PLXDC2: variants seen among roughly 807,000 people sequenced by gnomAD.
PLXDC2 encodes the protein plexin domain containing 2.
In PLXDC2, 40 loss-of-function variants were observed where a neutral mutation model predicts 68.9. The observed-to-expected ratio is 0.58, with a 90% confidence interval of 0.45 to 0.76. The LOEUF is 0.76. Ranked by LOEUF, PLXDC2 falls within the 30% of genes least tolerant of loss-of-function variation. PLXDC2 has a pLI of 0.00. For missense variants in PLXDC2, 644 were observed against 661.9 expected (o/e 0.97, Z 0.30); for synonymous variants, 243 against 234.2 (o/e 1.04, Z -0.34).
At chr10:19,831,341 G>A (rs1836688450) in intron 1 of PLXDC2, among the ~76,000 whole-genome samples, 1 of 151,930 alleles carries the variant, frequency 6.6e-6, no homozygotes, top group African/African-American at 2.4e-5. Context: ...TTGGCTAGCA[G>A]TTCCTGTCCT....
At chr10:20,201,698 A>C (rs191870816) in intron 9 of PLXDC2, among the ~76,000 whole-genome samples, 114 of 152,226 alleles carry the variant, frequency 7.5e-4, no homozygotes, top group Non-Finnish European at 1.3e-3. Context: ...TCTGATCACT[A>C]TACATTGTAT....
chr10:20,182,850 C>T (rs1001088839), intron 9 of PLXDC2, among the ~76,000 whole-genome samples: 7 of 151,806 alleles, frequency 4.6e-5, no homozygotes, highest in East Asian at 1.9e-4. Flanking sequence ...TCCCCTTGTC[C>T]CCTACTCCCT....
At chr10:19,886,428 T>G (rs1466925274) in intron 1 of PLXDC2, among the ~76,000 whole-genome samples, 2 of 152,182 alleles carry the variant, frequency 1.3e-5, no homozygotes, top group African/African-American at 4.8e-5. Flanking sequence ...TTATCCACCA[T>G]GATCAAGTGG....
At position 20,283,777 on chromosome 10, in the gene PLXDC2, A is replaced by G. The variant is rs923938877; in HGVS notation, c.*3958A>G. On this transcript the variant is annotated 3_prime_UTR_variant, in exon 14 of 14. Transcript: ENST00000377252. ...ATTTAGAAGGCACTATCTCAAACAT[A>G]AATAATTTCATATTTATTTTATCAC... 10 of 152,194 alleles carry G rather than the reference A, an allele frequency of 6.6e-5. No homozygotes were observed. The highest frequency in any genetic ancestry group is 2.4e-4 in the African/African-American group (10 of 41,448). 9.4% of individuals were successfully genotyped at this position (152,194 alleles called of 1,614,324 possible).
intron 3 of PLXDC2, among the ~76,000 whole-genome samples, chr10:20,055,388 GT>G (rs1835980095): frequency 6.6e-6 from 1 of 152,002 alleles, no homozygotes; most frequent in Non-Finnish European, 1.5e-5. Flanking sequence ...TAGTAAGTTG[GT>G]TTTTCATATT....
At chr10:20,232,952 G>GT (rs898615597) in intron 12 of PLXDC2, among the ~76,000 whole-genome samples, 30 of 151,664 alleles carry the variant, frequency 2.0e-4, no homozygotes, top group East Asian at 7.7e-4. Context: ...ACTAGGCATA[G>GT]TTTTTTTTTA....
At chr10:20,119,723 G>C (rs1833670969) in intron 4 of PLXDC2, among the ~76,000 whole-genome samples, 1 of 152,000 alleles carries the variant, frequency 6.6e-6, no homozygotes, top group African/African-American at 2.4e-5. Context: ...GGGCTGCTTC[G>C]AGCGGGATTA....
At chr10:19,819,979 A>G (rs1206567970) in intron 1 of PLXDC2, among the ~76,000 whole-genome samples, 1 of 152,244 alleles carries the variant, frequency 6.6e-6, no homozygotes. Context: ...TGATTATTTT[A>G]TCAATCAATG....
chr10:20,094,555 A>AT (rs11394925), intron 4 of PLXDC2, among the ~76,000 whole-genome samples: 90,748 of 151,318 alleles, frequency 0.6, 29,068 homozygotes, highest in East Asian at 0.98. Context: ...GTTTTTCATT[A>AT]TTTTTTTTTC....
At chr10:19,875,909 T>A (rs1198112910) in intron 1 of PLXDC2, among the ~76,000 whole-genome samples, 1 of 152,210 alleles carries the variant, frequency 6.6e-6, no homozygotes, top group African/African-American at 2.4e-5. Flanking sequence ...GACATGTTGA[T>A]TTTTTTGATG....
At chr10:20,006,847 G>A (rs146543878) in intron 2 of PLXDC2, among the ~76,000 whole-genome samples, 4 of 152,324 alleles carry the variant, frequency 2.6e-5, no homozygotes, top group African/African-American at 7.2e-5. Context: ...TGTATATCCT[G>A]TTGAATAAGC....
chr10:19,979,552 A>T (rs1589567399), intron 1 of PLXDC2, among the ~76,000 whole-genome samples: 1 of 152,076 alleles, frequency 6.6e-6, no homozygotes, highest in East Asian at 1.9e-4. Context: ...TTGTATTTTT[A>T]GCCAAGGTGG....
intron 1 of PLXDC2, among the ~76,000 whole-genome samples, chr10:19,950,306 C>T (rs1833971023): frequency 6.6e-6 from 1 of 152,156 alleles, no homozygotes; most frequent in South Asian, 2.1e-4. Context: ...TAAATGACTT[C>T]AGTAAAGTTT....
chr10:20,226,997 G>T (rs1332054144), intron 12 of PLXDC2, among the ~76,000 whole-genome samples: 3 of 152,070 alleles, frequency 2.0e-5, no homozygotes, highest in Non-Finnish European at 4.4e-5. Flanking sequence ...CCCCTTCTCG[G>T]TGTGTTCTAC....
At chr10:19,912,176 A>C (rs1443769339) in intron 1 of PLXDC2, among the ~76,000 whole-genome samples, 1 of 152,188 alleles carries the variant, frequency 6.6e-6, no homozygotes, top group African/African-American at 2.4e-5. Flanking sequence ...GAGCTATTAG[A>C]GCTGAGCTGC....
intron 1 of PLXDC2, among the ~76,000 whole-genome samples, chr10:19,874,384 A>G (rs1837596381): frequency 6.6e-6 from 1 of 152,200 alleles, no homozygotes; most frequent in African/African-American, 2.4e-5. Context: ...CTCACTTTCT[A>G]GAAATAGAGT....
At chr10:19,838,872 C>T (rs906174286) in intron 1 of PLXDC2, among the ~76,000 whole-genome samples, 6 of 152,150 alleles carry the variant, frequency 3.9e-5, no homozygotes, top group African/African-American at 1.2e-4. Context: ...GCTTCGGCTC[C>T]TTATAAGCAT....
At chr10:20,130,095 T>C (rs1382500256) in intron 4 of PLXDC2, among the ~76,000 whole-genome samples, 1 of 152,100 alleles carries the variant, frequency 6.6e-6, no homozygotes. Context: ...GTAGATTGCT[T>C]TGGGTCACAT....
At chr10:19,874,966 T>A (rs1016703733) in intron 1 of PLXDC2, among the ~76,000 whole-genome samples, 6 of 152,170 alleles carry the variant, frequency 3.9e-5, no homozygotes, top group African/African-American at 1.4e-4. Context: ...GAGAAGCAAC[T>A]GTCAGAATTG....
Sources: allele counts gnomAD v4.1 joint callset (sites outside exome capture counted in the v4.1 genomes callset), GRCh38; gene constraint gnomAD v4.1.1; transcripts MANE v1.5; gene names NCBI Gene and HGNC (gene_info 2026-07-23, HGNC 2026-07-21).